Variants in STK10 observed in about 807,000 individuals in gnomAD.
The protein encoded by STK10 is serine/threonine kinase 10.
Under a neutral mutation model 113.8 loss-of-function variants are expected in STK10, and 78 were observed. The observed-to-expected ratio is 0.69, with a 90% CI of 0.57 to 0.83. STK10 has a LOEUF of 0.83. Ranked by LOEUF, STK10 falls within the 40% of genes least tolerant of loss-of-function variation. The pLI is 0.00. For missense variants in STK10, 1,109 were observed against 1,280.1 expected (o/e 0.87, Z 2.04); for synonymous variants, 465 against 494.7 (o/e 0.94, Z 0.80).
chr5:172,112,491 G>A (rs939737785), intron 4 of STK10, among the ~76,000 whole-genome samples: 7 of 141,548 alleles, frequency 4.9e-5, no homozygotes, highest in South Asian at 2.2e-4. Context: ...TGTGATCTTC[G>A]CTCACTGCAA....
chr5:172,111,535 G>A (rs1284377905), intron 4 of STK10, among the ~76,000 whole-genome samples: 3 of 152,228 alleles, frequency 2.0e-5, no homozygotes, highest in Non-Finnish European at 4.4e-5. Context: ...CCAGAGAACT[G>A]AGCCTGTTTG....
At position 172,093,261 on chromosome 5, in the gene STK10, T is replaced by C. The variant is rs1392417049; in HGVS notation, c.1554+151A>G. On this transcript the variant is annotated intron_variant, in intron 9 of 18. Coordinates refer to ENST00000176763, the MANE Select transcript of STK10 (RefSeq NM_005990.4). This position sits in a 1 kb window ranked among gnomAD's most constrained non-coding sequence, Gnocchi z 4.1. ...AAATCCCATATTGAACCCAGATATT[T>C]TGGAGATTAAACTATGAGTCAAACC... is the stretch of plus-strand genomic sequence containing the variant. 2.6e-6 allele frequency: 2 copies of C among 763,288 alleles called. No individual in the cohort carries two copies. Among genetic ancestry groups the C allele is most frequent in the Non-Finnish European group, 4.1e-6 (2 of 486,962 alleles). 47.3% of individuals were successfully genotyped at this position (763,288 alleles called of 1,614,324 possible).
chr5:172,172,937 G>A (rs969015724), intron 1 of STK10, among the ~76,000 whole-genome samples: 3 of 151,826 alleles, frequency 2.0e-5, no homozygotes, highest in Non-Finnish European at 2.9e-5. Flanking sequence ...TCGAGATCGC[G>A]TCACTGCACT....
intron 1 of STK10, among the ~76,000 whole-genome samples, chr5:172,180,645 CAAA>C (rs59448135): frequency 0.26 from 36,690 of 142,748 alleles, 6,766 homozygotes; most frequent in African/African-American, 0.54. Context: ...ACAACAACAA[CAAA>C]AAAAAAAAAC....
chr5:172,112,740 T>G (rs1167747046), intron 4 of STK10, among the ~76,000 whole-genome samples: 3 of 150,802 alleles, frequency 2.0e-5, no homozygotes, highest in Non-Finnish European at 4.4e-5. Context: ...TTTTTCACTT[T>G]ACACACTTTT....
intron 12 of STK10, among the ~76,000 whole-genome samples, chr5:172,076,891 A>G (rs1023029684): frequency 4.7e-5 from 7 of 149,358 alleles, no homozygotes; most frequent in African/African-American, 1.8e-4. Context: ...TTTCCAGGAC[A>G]GACAATTAGA....
At chr5:172,059,883 A>G (rs1236289019) in intron 14 of STK10, among the ~76,000 whole-genome samples, 1 of 152,196 alleles carries the variant, frequency 6.6e-6, no homozygotes, top group East Asian at 1.9e-4. Flanking sequence ...AACTCCCAAC[A>G]GCACCAGGGT....
chr5:172,067,378 T>TA (rs1210090462), intron 12 of STK10, among the ~76,000 whole-genome samples: 2 of 50,042 alleles, frequency 4.0e-5, no homozygotes, highest in Non-Finnish European at 7.5e-5. Flanking sequence ...ATAGAATAAA[T>TA]AAATAAATAA....
chr5:172,151,675 T>C lies in STK10; in HGVS notation c.321+4949A>G, dbSNP rs756125874. 8.5e-4 allele frequency among the ~76,000 whole-genome samples: 130 copies of C among 152,194 alleles called. 1 individual carries two copies. The highest frequency in any genetic ancestry group is 1.3e-3 in the Admixed American group (20 of 15,274). On this transcript the variant is annotated intron_variant, in intron 2 of 18. Transcript: ENST00000176763. ...ACAATTTTATATCCATCCTGATCACTGCTGGAGTTATGTGTTCATGCGCTG... is the reference window on the plus strand; with the variant it reads ...ACAATTTTATATCCATCCTGATCACCGCTGGAGTTATGTGTTCATGCGCTG...
intron 7 of STK10, among the ~76,000 whole-genome samples, chr5:172,101,212 T>G (rs1395986306): frequency 6.6e-6 from 1 of 152,200 alleles, no homozygotes; most frequent in African/African-American, 2.4e-5. Flanking sequence ...GGCTCACGCC[T>G]GTAATCCCAG....
chr5:172,095,128 T>C (rs896056548), intron 8 of STK10, among the ~76,000 whole-genome samples: 2 of 152,232 alleles, frequency 1.3e-5, no homozygotes, highest in African/African-American at 4.8e-5. Context: ...TGTGCCTGCT[T>C]ATAAACGTGG....
chr5:172,089,072 A>T (rs1245941908), intron 10 of STK10, among the ~76,000 whole-genome samples: 1 of 151,870 alleles, frequency 6.6e-6, no homozygotes, highest in Non-Finnish European at 1.5e-5. Flanking sequence ...CCTAGTCAAG[A>T]TCTCCCTCTC....
intron 4 of STK10, among the ~76,000 whole-genome samples, chr5:172,115,330 A>C (rs1485873675): frequency 1.3e-5 from 2 of 152,200 alleles, no homozygotes; most frequent in Non-Finnish European, 2.9e-5. Context: ...GTTCGGGTTC[A>C]GGCAGCAGCA....
At position 172,083,639 on chromosome 5, in the gene STK10, G is replaced by A. The variant is rs368638402; in HGVS notation, c.1686-555C>T. Among the ~76,000 whole-genome samples the A allele has an allele frequency of 5.2e-4, 79 of 152,276 alleles. No homozygotes were observed. In the South Asian group the frequency reaches 0.012, roughly 22 times the overall value. ...ATAAGAATATTCAGCTGGGTGTGGT[G>A]GCTCACACCTGTAATTCCAGCACTT... On this transcript the variant is annotated intron_variant, in intron 10 of 18. Coordinates refer to ENST00000176763, the MANE Select transcript of STK10 (RefSeq NM_005990.4).
chr5:172,148,215 C>G (rs1194050911), intron 2 of STK10, among the ~76,000 whole-genome samples: 1 of 152,176 alleles, frequency 6.6e-6, no homozygotes, highest in East Asian at 1.9e-4. Flanking sequence ...AGAGGCGTGT[C>G]TGGGGTCACA....
At chr5:172,069,923 G>A (rs1432009618) in intron 12 of STK10, among the ~76,000 whole-genome samples, 2 of 152,128 alleles carry the variant, frequency 1.3e-5, no homozygotes, top group South Asian at 2.1e-4. Context: ...CATAAAACAA[G>A]CCATAATACA....
At chr5:172,159,495 T>C (rs1321915691) in intron 1 of STK10, among the ~76,000 whole-genome samples, 1 of 151,952 alleles carries the variant, frequency 6.6e-6, no homozygotes, top group Non-Finnish European at 1.5e-5. Flanking sequence ...TGAGCTGAGA[T>C]CTTGCCACTG....
At chr5:172,162,480 G>T (rs933820418) in intron 1 of STK10, among the ~76,000 whole-genome samples, 13 of 152,084 alleles carry the variant, frequency 8.5e-5, no homozygotes, top group African/African-American at 3.1e-4. Flanking sequence ...TTAACTGATT[G>T]TGTCCCTGCC....
chr5:172,129,938 A>G (rs924572442), intron 2 of STK10, among the ~76,000 whole-genome samples: 2 of 152,154 alleles, frequency 1.3e-5, no homozygotes, highest in African/African-American at 2.4e-5. Flanking sequence ...AGCTGTCACT[A>G]TGATTCTTTC....
Sources: gnomAD v4.1 joint callset for allele counts (sites outside exome capture counted in the v4.1 genomes callset) on GRCh38, gnomAD v4.1.1 for gene constraint, Gnocchi (gnomAD v3.1) non-coding constraint, MANE v1.5 for transcripts, NCBI Gene and HGNC (gene_info 2026-07-23, HGNC 2026-07-21) for gene names.